PTPRD: variants seen among roughly 807,000 people sequenced by gnomAD.
The protein encoded by PTPRD is receptor-type tyrosine-protein phosphatase delta.
PTPRD carries 34 observed loss-of-function variants against 214.5 expected under a neutral mutation model. The observed-to-expected ratio is 0.16, with a 90% CI of 0.12 to 0.21. The LOEUF is 0.21. Ranked by LOEUF, PTPRD falls within the 10% of genes least tolerant of loss-of-function variation. PTPRD has a pLI of 1.00. For missense variants in PTPRD, 2,545 were observed against 2,398.7 expected (o/e 1.06, Z -1.27); for synonymous variants, 1,128 against 845.7 (o/e 1.33, Z -5.79).
chr9:10,128,358 G>A (rs543537095), intron 3 of PTPRD, among the ~76,000 whole-genome samples: 3 of 152,264 alleles, frequency 2.0e-5, no homozygotes, highest in East Asian at 3.9e-4. Context: ...CTTATAAAAA[G>A]GTGACAGTTG....
chr9:10,345,406 T>A (rs895529706), intron 2 of PTPRD, among the ~76,000 whole-genome samples: 2 of 151,862 alleles, frequency 1.3e-5, no homozygotes, highest in Non-Finnish European at 2.9e-5. Context: ...CCTAATCCTA[T>A]CCCTCCCCTA....
intron 3 of PTPRD, among the ~76,000 whole-genome samples, chr9:10,132,173 T>C (rs1321146634): frequency 1.3e-5 from 2 of 152,110 alleles, no homozygotes; most frequent in Non-Finnish European, 2.9e-5. Context: ...TTTTTGTAGA[T>C]TATGAAGTTA....
chr9:8,970,294 G>T (rs1171654874), intron 11 of PTPRD, among the ~76,000 whole-genome samples: 1 of 151,828 alleles, frequency 6.6e-6, no homozygotes, highest in East Asian at 1.9e-4. Context: ...GAAACACTAT[G>T]ACAGCCCTAC....
intron 5 of PTPRD, among the ~76,000 whole-genome samples, chr9:9,875,841 T>C (rs1047961313): frequency 1.3e-5 from 2 of 152,092 alleles, no homozygotes; most frequent in Non-Finnish European, 2.9e-5. Flanking sequence ...TGTTAACTGA[T>C]AAAAGTTAAA....
At chr9:10,555,253 A>T (rs1387853264) in intron 2 of PTPRD, among the ~76,000 whole-genome samples, 1 of 152,188 alleles carries the variant, frequency 6.6e-6, no homozygotes. Context: ...ATATTTGTCA[A>T]AGTAAGGAGT....
rs558719458 is a variant in PTPRD at position 9,430,449 on chromosome 9, A to C, written c.-236-32967T>G. Among the ~76,000 whole-genome samples the C allele has an allele frequency of 1.8e-3, 267 of 152,108 alleles. 1 individual carries two copies. Among genetic ancestry groups the C allele is most frequent in the African/African-American group, 6.2e-3 (255 of 41,444 alleles). On this transcript the variant is annotated intron_variant, in intron 8 of 45. Coordinates refer to ENST00000381196, the MANE Select transcript of PTPRD (RefSeq NM_002839.4). ...CATTCCATGTTCATGGACAGGAAGA[A>C]TCAATATCATGAAAATGGCCATACT...
intron 3 of PTPRD, among the ~76,000 whole-genome samples, chr9:10,054,267 A>G (rs1024484863): frequency 5.9e-5 from 9 of 152,198 alleles, no homozygotes; most frequent in Non-Finnish European, 1.0e-4. Context: ...TTGTATTTAT[A>G]ATATCTGTAA....
intron 30 of PTPRD, among the ~76,000 whole-genome samples, chr9:8,471,712 C>T (rs12346891): frequency 0.13 from 20,277 of 152,050 alleles, 2,189 homozygotes; most frequent in African/African-American, 0.3. Context: ...GCCTTCAAAA[C>T]AGCTATCACT....
intron 7 of PTPRD, among the ~76,000 whole-genome samples, chr9:9,612,768 C>G (rs2094585580): frequency 6.6e-6 from 1 of 151,978 alleles, no homozygotes; most frequent in Admixed American, 6.6e-5. Context: ...TCTGCTTGGA[C>G]TATTTTGATT....
At chr9:9,474,034 TAG>T (rs1254565091) in intron 8 of PTPRD, among the ~76,000 whole-genome samples, 1 of 152,092 alleles carries the variant, frequency 6.6e-6, no homozygotes, top group Non-Finnish European at 1.5e-5. Context: ...TAAAATCTAT[TAG>T]ATGAACGTCC....
At chr9:9,583,084 T>C (rs1297756431) in intron 7 of PTPRD, among the ~76,000 whole-genome samples, 1 of 152,040 alleles carries the variant, frequency 6.6e-6, no homozygotes, top group Non-Finnish European at 1.5e-5. Flanking sequence ...GTAGTGCCTT[T>C]GATATCTTCC....
intron 3 of PTPRD, among the ~76,000 whole-genome samples, chr9:10,305,640 AC>A (rs1596575584): frequency 6.6e-6 from 1 of 152,150 alleles, no homozygotes; most frequent in African/African-American, 2.4e-5. Context: ...TGAAAAGAAG[AC>A]ATTTATGCAG....
intron 2 of PTPRD, among the ~76,000 whole-genome samples, chr9:10,387,774 T>G (rs1348631981): frequency 6.7e-6 from 1 of 150,056 alleles, no homozygotes. Flanking sequence ...AGCTAGTCAT[T>G]ACTGATACCT....
chr9:10,005,099 GA>G (rs2096444329), intron 4 of PTPRD, among the ~76,000 whole-genome samples: 1 of 151,956 alleles, frequency 6.6e-6, no homozygotes. Flanking sequence ...TTTCCTATAA[GA>G]TTTTTTTTTG....
chr9:9,234,223 A>T (rs1026181244), intron 9 of PTPRD, among the ~76,000 whole-genome samples: 21 of 152,202 alleles, frequency 1.4e-4, no homozygotes, highest in Admixed American at 6.5e-4. Flanking sequence ...GTAAGCTGCA[A>T]GGCTTGGGAC....
intron 5 of PTPRD, among the ~76,000 whole-genome samples, chr9:9,878,851 C>T (rs1401860740): frequency 6.6e-6 from 1 of 152,086 alleles, no homozygotes; most frequent in Non-Finnish European, 1.5e-5. Flanking sequence ...AGAGGAAGAA[C>T]CATTTTTCCT....
At chr9:9,072,194 A>T (rs1393191073) in intron 10 of PTPRD, among the ~76,000 whole-genome samples, 2 of 152,130 alleles carry the variant, frequency 1.3e-5, no homozygotes, top group African/African-American at 4.8e-5. Flanking sequence ...TTATCATTAA[A>T]AACCAAAATA....
intron 2 of PTPRD, among the ~76,000 whole-genome samples, chr9:10,482,174 A>G (rs1057311034): frequency 2.0e-5 from 3 of 152,022 alleles, no homozygotes; most frequent in South Asian, 2.1e-4. Flanking sequence ...GATTGAGACC[A>G]GCCCGGCTAA....
intron 8 of PTPRD, among the ~76,000 whole-genome samples, chr9:9,568,338 C>G (rs2085248605): frequency 6.6e-6 from 1 of 151,812 alleles, no homozygotes; most frequent in South Asian, 2.1e-4. Context: ...GGTGGGAGGT[C>G]AAACGATTAA....
Sources: gnomAD v4.1 joint callset for allele counts (sites outside exome capture counted in the v4.1 genomes callset) on GRCh38, gnomAD v4.1.1 for gene constraint, MANE v1.5 for transcripts, NCBI Gene and HGNC (gene_info 2026-07-23, HGNC 2026-07-21) for gene names.